The following RNF13 variants were observed in gnomAD, a reference collection of about 807,000 sequenced individuals.
The protein encoded by RNF13 is E3 ubiquitin-protein ligase RNF13.
In RNF13, 19 loss-of-function variants were observed where a neutral mutation model predicts 37.7. That is an observed-to-expected ratio of 0.50 (90% CI 0.35 to 0.74). The LOEUF (loss-of-function observed/expected upper bound fraction) is 0.74. RNF13 is among the 30% of genes least tolerant of loss of function. The probability of loss-of-function intolerance (pLI) is 0.01; values close to 1 mark genes in which losing one functional copy is unlikely to be tolerated. For missense variants in RNF13, 375 were observed against 453.0 expected (o/e 0.83, Z 1.56); for synonymous variants, 144 against 157.8 (o/e 0.91, Z 0.65).
intron 8 of RNF13, among the ~76,000 whole-genome samples, chr3:149,940,792 A>G (rs531500051): frequency 1.6e-4 from 24 of 152,238 alleles, no homozygotes; most frequent in South Asian, 2.1e-4. Flanking sequence ...CAATCTCTAG[A>G]ATTTTTTTCA....
At chr3:149,867,153 T>A (rs1401481428) in intron 3 of RNF13, among the ~76,000 whole-genome samples, 5 of 152,188 alleles carry the variant, frequency 3.3e-5, no homozygotes, top group Non-Finnish European at 7.3e-5. Context: ...TGGATCTGTT[T>A]ATGTTTGCTG....
At chr3:149,826,527 T>G (rs1720523248) in intron 1 of RNF13, among the ~76,000 whole-genome samples, 1 of 152,348 alleles carries the variant, frequency 6.6e-6, no homozygotes, top group South Asian at 2.1e-4. Flanking sequence ...AATATTTTGC[T>G]GTGTAAAAGT....
intron 6 of RNF13, among the ~76,000 whole-genome samples, chr3:149,910,646 T>C (rs1002535406): frequency 1.3e-5 from 2 of 152,244 alleles, no homozygotes; most frequent in East Asian, 1.9e-4. Context: ...CTGAGAACGA[T>C]TGTTTTGCAT....
At chr3:149,907,616 C>T (rs1716558109) in intron 6 of RNF13, among the ~76,000 whole-genome samples, 1 of 152,062 alleles carries the variant, frequency 6.6e-6, no homozygotes, top group Non-Finnish European at 1.5e-5. Context: ...TGATCTTCAA[C>T]AAAAAATTTA....
At chr3:149,922,782 C>T (rs1718279582) in intron 8 of RNF13, among the ~76,000 whole-genome samples, 2 of 152,040 alleles carry the variant, frequency 1.3e-5, no homozygotes, top group African/African-American at 4.8e-5. Flanking sequence ...ATCACATAGC[C>T]AGTATTGACA....
At chr3:149,831,217 G>A (rs555994033) in intron 1 of RNF13, among the ~76,000 whole-genome samples, 7 of 152,300 alleles carry the variant, frequency 4.6e-5, no homozygotes, top group East Asian at 3.9e-4. Flanking sequence ...TGAGAAGCAG[G>A]CCACTGTTCT....
intron 8 of RNF13, among the ~76,000 whole-genome samples, chr3:149,958,420 A>T (rs1339423916): frequency 6.6e-6 from 1 of 152,162 alleles, no homozygotes; most frequent in Non-Finnish European, 1.5e-5. Flanking sequence ...CTGTAGCCAC[A>T]TCGCCCCGAC....
chr3:149,936,513 C>G (rs1307670743), intron 8 of RNF13, among the ~76,000 whole-genome samples: 1 of 152,002 alleles, frequency 6.6e-6, no homozygotes, highest in African/African-American at 2.4e-5. Context: ...TCAAAACCCT[C>G]TCATGCATTT....
At chr3:149,929,308 A>G (rs1718949212) in intron 8 of RNF13, among the ~76,000 whole-genome samples, 1 of 152,172 alleles carries the variant, frequency 6.6e-6, no homozygotes. Flanking sequence ...AGATGCTTAT[A>G]AAACCATCAG....
chr3:149,823,129 A>T (rs552467585), intron 1 of RNF13, among the ~76,000 whole-genome samples: 2 of 152,262 alleles, frequency 1.3e-5, no homozygotes, highest in South Asian at 4.1e-4. Flanking sequence ...TTACTGGGCA[A>T]GTAACTGAAC....
Position 149,961,327 on chromosome 3 carries a change from G to C in RNF13, c.*223G>C, listed in dbSNP as rs1310372169. 12 of 670,266 alleles carry C rather than the reference G, an allele frequency of 1.8e-5. No individual in the cohort carries two copies. Among genetic ancestry groups the C allele is most frequent in the Non-Finnish European group, 2.7e-5 (10 of 368,704 alleles). 41.5% of individuals were successfully genotyped at this position (670,266 alleles called of 1,614,324 possible). The stretch of plus-strand genomic sequence containing the variant: ...GTGCTGTAACTCAAGCATCAATTCA[G>C]CTCTTCTTTTGGAATGAAAGTATAG... On this transcript the variant is annotated 3_prime_UTR_variant, in exon 10 of 10. Transcript: ENST00000392894.
intron 7 of RNF13, among the ~76,000 whole-genome samples, chr3:149,920,214 T>A (rs1318065639): frequency 1.3e-5 from 2 of 152,202 alleles, no homozygotes; most frequent in Admixed American, 1.3e-4. Flanking sequence ...TTTTCATTTT[T>A]AAATTTTATT....
chr3:149,947,523 A>G (rs902455252), intron 8 of RNF13, among the ~76,000 whole-genome samples: 2 of 151,320 alleles, frequency 1.3e-5, no homozygotes, highest in Admixed American at 6.6e-5. Context: ...TTCTGCCTCA[A>G]TCTCCTGAAT....
At chr3:149,904,590 G>T (rs968393650) in intron 6 of RNF13, among the ~76,000 whole-genome samples, 2 of 151,984 alleles carry the variant, frequency 1.3e-5, no homozygotes, top group African/African-American at 4.8e-5. Flanking sequence ...GAAAACACAG[G>T]TTTATTTGAT....
chr3:149,904,488 C>T (rs1321377454), intron 6 of RNF13, among the ~76,000 whole-genome samples: 2 of 152,066 alleles, frequency 1.3e-5, no homozygotes, highest in African/African-American at 4.8e-5. Context: ...TCAAGCAATC[C>T]TCCTACCTTA....
At chr3:149,862,661 A>G (rs1213115212) in intron 3 of RNF13, among the ~76,000 whole-genome samples, 1 of 151,956 alleles carries the variant, frequency 6.6e-6, no homozygotes, top group African/African-American at 2.4e-5. Flanking sequence ...GCCACAATTT[A>G]TTTTTTCATT....
At chr3:149,833,118 C>CTCTTTTTTTTTT (rs1306537184) in intron 1 of RNF13, among the ~76,000 whole-genome samples, 3 of 111,902 alleles carry the variant, frequency 2.7e-5, no homozygotes, top group Non-Finnish European at 3.5e-5. Flanking sequence ...CTCTCTCTCT[C>CTCTTTTTTTTTT]TTTTTTTTTT....
chr3:149,904,058 C>T (rs542895740), intron 6 of RNF13, among the ~76,000 whole-genome samples: 2 of 152,160 alleles, frequency 1.3e-5, no homozygotes, highest in African/African-American at 4.8e-5. Context: ...ACCTACTTTA[C>T]CCTCAAGCCC....
Position 149,961,385 on chromosome 3 carries a change from A to T in RNF13, c.*281A>T. ...ATAAAAAAAAAAAAATCCTCAGTAT[A>T]GCTTGCAATTAAGACCTAGATCACA... is the stretch of plus-strand genomic sequence containing the variant. On this transcript the variant is annotated 3_prime_UTR_variant, in exon 10 of 10. Coordinates refer to ENST00000392894, the MANE Select transcript of RNF13 (RefSeq NM_183381.3). The T allele has an allele frequency of 1.8e-6, 1 of 561,780 alleles. No homozygotes were observed. The highest frequency in any genetic ancestry group is 2.3e-5 in the Admixed American group (1 of 44,356). 34.8% of individuals were successfully genotyped at this position (561,780 alleles called of 1,614,324 possible).
Sources: allele counts gnomAD v4.1 joint callset (sites outside exome capture counted in the v4.1 genomes callset), GRCh38; gene constraint gnomAD v4.1.1; transcripts MANE v1.5; gene names NCBI Gene and HGNC (gene_info 2026-07-23, HGNC 2026-07-21).